Variants in MCM3AP observed in about 807,000 individuals in gnomAD.
MCM3AP encodes germinal-center associated nuclear protein.
MCM3AP carries 126 observed loss-of-function variants against 184.1 expected under a neutral mutation model. The observed-to-expected ratio is 0.68, with a 90% confidence interval of 0.59 to 0.79. MCM3AP has a LOEUF of 0.79. Ranked by LOEUF, MCM3AP falls within the 30% of genes least tolerant of loss-of-function variation. The probability of loss-of-function intolerance (pLI) is 0.00; values close to 1 mark genes in which losing one functional copy is unlikely to be tolerated. For missense variants in MCM3AP, 2,496 were observed against 2,479.2 expected, an observed-to-expected ratio of 1.01 and a Z score of -0.14; for synonymous variants, 1,002 against 979.3, an observed-to-expected ratio of 1.02 and a Z score of -0.43.
At position 46,272,802 on chromosome 21, in the gene MCM3AP, G is replaced by A. The variant is rs1161134476; in HGVS notation, c.2224C>T (p.Pro742Ser). ...KDITQQHLCDPLTVSLIEKCT... is the reference protein window; with the variant it reads ...KDITQQHLCDSLTVSLIEKCT... The stretch of plus-strand genomic sequence containing the variant: ...TTCTCAATCAGGGACACCGTCAGGG[G>A]GTCACAGAGGTGCTGCTGCGTGATA... The change falls in exon 8 of 28, where the codon CCC (proline) becomes TCC (serine). Residue 742 changes from proline (P) to serine (S), a missense_variant. Transcript: ENST00000291688. 6.2e-7 allele frequency: 1 copy of A among 1,603,864 alleles called. No homozygotes were observed. The highest frequency in any genetic ancestry group is 8.5e-7 in the Non-Finnish European group (1 of 1,173,894).
Position 46,254,360 on chromosome 21 carries a change from T to G in MCM3AP, c.4136+32A>C, listed in dbSNP as rs767841529. ...ACCCTGCCCTGCCCACTCCACCTCT[T>G]GGAAACCCCACAGGGGAAAACCCTT... On this transcript the variant is annotated intron_variant, in intron 19 of 27. Transcript: ENST00000291688. 2.5e-6 allele frequency: 4 copies of G among 1,612,372 alleles called. No individual in the cohort carries two copies. In the South Asian group the frequency reaches 3.3e-5, roughly 13 times the overall value.
Position 46,285,155 on chromosome 21 carries a change from G to A in MCM3AP, c.132C>T (p.Thr44=), listed in dbSNP as rs1283022799. The change falls in exon 1 of 28, where the codon ACC becomes ACT. Residue 44 remains threonine (T), a synonymous_variant. Coordinates refer to ENST00000291688, the MANE Select transcript of MCM3AP (RefSeq NM_003906.5). ...GQPSLFGQNS[T]LSGKSSGFSQ... ...AAAATCCCGAGCTCTTCCCAGATAA[G>A]GTACTGTTTTGTCCAAAAAGAGAAG... 4.3e-6 allele frequency: 7 copies of A among 1,614,154 alleles called. No homozygotes were observed. Among genetic ancestry groups the A allele is most frequent in the Middle Eastern group, 1.6e-4 (1 of 6,062 alleles).
rs776511671 is a variant in MCM3AP, at chr21:46,265,986, G to A, written c.2970C>T (p.Ile990=). The A allele has an allele frequency of 2.0e-5, 32 of 1,607,390 alleles. No individual in the cohort carries two copies. The highest frequency in any genetic ancestry group is 1.6e-4 in the Middle Eastern group (1 of 6,070). Residue 990 remains isoleucine, a synonymous_variant, in exon 11 of 28, where the codon ATC becomes ATT. Transcript: ENST00000291688. ...GCAGCTCCGCGGCCAGGCTCTCCCC[G>A]ATGTACTTGTTCTGGGAGTTGAAGC... ...VCSFNSQNKY[I]GESLAAELPV...
Position 46,272,771 on chromosome 21 carries a change from G to A in MCM3AP, c.2255C>T (p.Thr752Ile), listed in dbSNP as rs567019829. 7 of 1,613,314 alleles carry A rather than the reference G, an allele frequency of 4.3e-6. No individual in the cohort carries two copies. The South Asian group carries it at 7.7e-5, about 18-fold the overall frequency. ...GTGGGCACAGTGGATGTGAAACCGGGTGCACTTCTCAATCAGGGACACCGT... is the reference window on the plus strand; with the variant it reads ...GTGGGCACAGTGGATGTGAAACCGGATGCACTTCTCAATCAGGGACACCGT... ...PLTVSLIEKC[T>I]RFHIHCAHFM... The change falls in exon 8 of 28, where the codon ACC becomes ATC. Residue 752 changes from threonine to isoleucine, a missense_variant. By Grantham distance (89) the Thr-to-Ile change is moderately conservative. Around this residue, in one of 5 missense-constraint regions of MCM3AP, gnomAD observed 105 missense variants for 97.1 expected, o/e 1.08. Coordinates refer to ENST00000291688, the MANE Select transcript of MCM3AP (RefSeq NM_003906.5).
intron 15 of MCM3AP, among the ~76,000 whole-genome samples, chr21:46,259,974 G>A (rs551259060): frequency 1.3e-5 from 2 of 151,824 alleles, no homozygotes; most frequent in East Asian, 1.9e-4. Context: ...TACTTGGGAG[G>A]CTGAGCTAGG....
chr21:46,275,540 G>A (rs1243457831), intron 5 of MCM3AP, among the ~76,000 whole-genome samples: 1 of 152,064 alleles, frequency 6.6e-6, no homozygotes, highest in Non-Finnish European at 1.5e-5. Flanking sequence ...CCAAAGACCC[G>A]AGTCCACCTC....
intron 26 of MCM3AP, 34 bp from the exon 27 acceptor site, chr21:46,237,013 G>C (rs2080543255): frequency 7.3e-7 from 1 of 1,368,804 alleles, no homozygotes. Flanking sequence ...AAAAATATTT[G>C]AGCATTAGGA....
intron 15 of MCM3AP, among the ~76,000 whole-genome samples, chr21:46,259,643 T>A (rs2081014228): frequency 6.6e-6 from 1 of 151,784 alleles, no homozygotes; most frequent in Non-Finnish European, 1.5e-5. Flanking sequence ...CCAGGCACGG[T>A]GGCTCATGCC....
chr21:46,258,416 C>T (rs2080989241), intron 16 of MCM3AP, among the ~76,000 whole-genome samples: 2 of 152,170 alleles, frequency 1.3e-5, no homozygotes, highest in African/African-American at 4.8e-5. Context: ...CCTCCCATTC[C>T]CAAAAGTAAC....
intron 27 of MCM3AP, among the ~76,000 whole-genome samples, chr21:46,235,850 C>T (rs538517315): frequency 1.3e-5 from 2 of 152,278 alleles, no homozygotes; most frequent in East Asian, 3.9e-4. Context: ...CCAGGCTGGA[C>T]TCAAGCTCCT....
Position 46,236,936 on chromosome 21 carries a change from C to A in MCM3AP, c.5677G>T (p.Ala1893Ser), listed in dbSNP as rs1287837607. ...LQQWLSEDSG[A>S]FTDLTSLPLY... ...GGAAGGGAAGTTAAATCCGTAAATG[C>A]TCCTGAGTCTTCAGACAACCATTGC... Residue 1893 changes from alanine to serine, a missense_variant, in exon 27 of 28, where the codon GCA (alanine) becomes TCA (serine). Transcript: ENST00000291688. 1 of 1,571,126 alleles carries A rather than the reference C, an allele frequency of 6.4e-7. No individual in the cohort carries two copies. Among genetic ancestry groups the A allele is most frequent in the Non-Finnish European group, 8.6e-7 (1 of 1,165,174 alleles).
chr21:46,249,765 T>G, intron 20 of MCM3AP: 1 of 313,506 alleles, frequency 3.2e-6, no homozygotes. Context: ...CAGTCTGTGT[T>G]TGCACTCATT....
At chr21:46,240,714 C>T in intron 26 of MCM3AP, 97 bp downstream of exon 26, 2 of 1,094,950 alleles carry the variant, frequency 1.8e-6, no homozygotes, top group South Asian at 1.5e-5. Flanking sequence ...TGCCCTTCTC[C>T]ATCCTGGCTG....
At position 46,235,379 on chromosome 21, in the gene MCM3AP, C is replaced by T. The variant is rs577520453; in HGVS notation, c.5832G>A (p.Thr1944=). ...EQLQLSEATG[T]CLGERLKHLE... ...GGTGCTTTAGTCGTTCGCCTAGACA[C>T]GTTCCTGTCGCCTCTGACAGCTGCA... Residue 1944 remains threonine, a synonymous_variant, in exon 28 of 28, where the codon ACG becomes ACA. Transcript: ENST00000291688. 1.7e-5 allele frequency: 27 copies of T among 1,614,132 alleles called. No individual in the cohort carries two copies. Among genetic ancestry groups the T allele is most frequent in the South Asian group, 4.4e-5 (4 of 91,080 alleles).
intron 23 of MCM3AP, 63 bp from the exon 24 acceptor site, chr21:46,243,785 A>G: frequency 6.5e-7 from 1 of 1,536,198 alleles, no homozygotes; most frequent in South Asian, 1.2e-5. Context: ...ATGTACATGA[A>G]AACATTTTCT....
chr21:46,261,437 T>C lies in MCM3AP; in HGVS notation c.3336-26A>G, dbSNP rs769841788. 54 of 1,610,886 alleles carry C rather than the reference T, an allele frequency of 3.4e-5. No individual in the cohort carries two copies. In the South Asian group the frequency reaches 5.2e-4, roughly 15 times the overall value. On this transcript the variant is annotated intron_variant, in intron 13 of 27. Transcript: ENST00000291688. ...CTAAACGGAGCAAAGGGGATAGCAT[T>C]CAAAATCAGAGTCAAGGCCGGGTGC...
intron 19 of MCM3AP, chr21:46,253,897 G>C (rs544134034): frequency 6.0e-6 from 1 of 166,732 alleles, no homozygotes; most frequent in Admixed American, 5.7e-5. Flanking sequence ...GAGCTGTCAC[G>C]AGATCTGGTT....
chr21:46,248,139 GC>G (rs887660131), intron 20 of MCM3AP, among the ~76,000 whole-genome samples: 1 of 152,166 alleles, frequency 6.6e-6, no homozygotes, highest in Admixed American at 6.5e-5. Context: ...GCCTGCAAAA[GC>G]CCTGTATACC....
chr21:46,266,106 C>A lies in MCM3AP; in HGVS notation c.2850G>T (p.Lys950Asn), dbSNP rs751264141. The A allele has an allele frequency of 2.5e-6, 4 of 1,612,434 alleles. No individual in the cohort carries two copies. In the East Asian group the frequency reaches 8.9e-5, roughly 36 times the overall value. ...TCAGCTTCCTAGTAATAAACACCGA[C>A]TTCCTGGTCTTGGATAATCCCTCTG... Reference protein sequence around the residue: ...LEPEGLSKTRKSVFITRKLTV... With the variant: ...LEPEGLSKTRNSVFITRKLTV... Residue 950 changes from lysine to asparagine, a missense_variant, in exon 11 of 28, where the codon AAG becomes AAT. Physicochemically the swap from Lys to Asn is moderately conservative, Grantham distance 94. This residue lies in a region of MCM3AP where 138 missense variants were observed against 191.9 expected (regional missense o/e 0.72). Transcript: ENST00000291688.
Sources: gnomAD v4.1 joint callset for allele counts (sites outside exome capture counted in the v4.1 genomes callset) on GRCh38, gnomAD v4.1.1 for gene constraint, gnomAD v4.1.1 regional missense constraint, MANE v1.5 for transcripts, NCBI Gene and HGNC (gene_info 2026-07-23, HGNC 2026-07-21) for gene names.